CNTN5: variants seen among roughly 807,000 people sequenced by gnomAD.
The protein encoded by CNTN5 is contactin-5.
A neutral mutation model predicts 129.1 loss-of-function variants in CNTN5; 77 were observed. The ratio of observed to expected loss-of-function variants is 0.60; its 90% CI spans 0.50 to 0.72. The LOEUF is 0.72. Among genes scored for constraint, CNTN5 ranks in the 30% least tolerant of loss-of-function variants. The pLI is 0.00. For missense variants in CNTN5, 1,478 were observed against 1,328.8 expected, an observed-to-expected ratio of 1.11 and a Z score of -1.75; for synonymous variants, 509 against 465.6, an observed-to-expected ratio of 1.09 and a Z score of -1.20.
intron 3 of CNTN5, among the ~76,000 whole-genome samples, chr11:99,715,714 G>A (rs1184190522): frequency 6.6e-6 from 1 of 151,884 alleles, no homozygotes; most frequent in East Asian, 1.9e-4. Context: ...AAAAGCATTT[G>A]ATAGATTTTA....
At chr11:99,082,715 C>A (rs1350994702) in intron 1 of CNTN5, among the ~76,000 whole-genome samples, 2 of 152,094 alleles carry the variant, frequency 1.3e-5, no homozygotes, top group African/African-American at 2.4e-5. Context: ...TATATGTGAA[C>A]TATACTTTAC....
At chr11:99,827,308 C>T (rs570842672) in intron 4 of CNTN5, among the ~76,000 whole-genome samples, 55 of 152,228 alleles carry the variant, frequency 3.6e-4, no homozygotes, top group Admixed American at 1.2e-3. Flanking sequence ...AGGCTGGTCT[C>T]GAGCTCCTGA....
chr11:100,146,279 G>T (rs1339943884), intron 13 of CNTN5, among the ~76,000 whole-genome samples: 1 of 152,128 alleles, frequency 6.6e-6, no homozygotes, highest in African/African-American at 2.4e-5. Flanking sequence ...TGTAGGCAGT[G>T]ATTATGTCTA....
intron 2 of CNTN5, among the ~76,000 whole-genome samples, chr11:99,352,450 A>C (rs192306557): frequency 6.6e-6 from 1 of 152,296 alleles, no homozygotes; most frequent in East Asian, 1.9e-4. Flanking sequence ...ACATAATAGC[A>C]AACATAACTT....
At chr11:99,197,243 A>C (rs1858948846) in intron 1 of CNTN5, among the ~76,000 whole-genome samples, 1 of 152,012 alleles carries the variant, frequency 6.6e-6, no homozygotes, top group South Asian at 2.1e-4. Context: ...AATTAAAATT[A>C]TAAATTTTAT....
chr11:100,284,568 G>C (rs1950723981), intron 18 of CNTN5, among the ~76,000 whole-genome samples: 1 of 152,118 alleles, frequency 6.6e-6, no homozygotes. Context: ...CACACTGTGG[G>C]TGAAATGGAA....
At chr11:99,456,556 A>T (rs541803206) in intron 2 of CNTN5, among the ~76,000 whole-genome samples, 1 of 152,258 alleles carries the variant, frequency 6.6e-6, no homozygotes, top group African/African-American at 2.4e-5. Flanking sequence ...AGGAGATCTA[A>T]AATGACAGCT....
At chr11:99,895,885 C>G (rs765645673) in intron 6 of CNTN5, among the ~76,000 whole-genome samples, 24 of 152,020 alleles carry the variant, frequency 1.6e-4, no homozygotes, top group Non-Finnish European at 2.8e-4. Flanking sequence ...TTTCCGTGTC[C>G]CTAGAATAGA....
chr11:99,607,267 C>T (rs1293996796), intron 3 of CNTN5, among the ~76,000 whole-genome samples: 2 of 68,074 alleles, frequency 2.9e-5, no homozygotes, highest in African/African-American at 5.8e-5. Flanking sequence ...AAACAAACAA[C>T]CCCATCAAAA....
At chr11:99,666,835 G>A (rs1355001857) in intron 3 of CNTN5, among the ~76,000 whole-genome samples, 5 of 152,112 alleles carry the variant, frequency 3.3e-5, no homozygotes, top group Non-Finnish European at 7.4e-5. Flanking sequence ...AATTCTGAAT[G>A]TGATTAACAT....
intron 1 of CNTN5, among the ~76,000 whole-genome samples, chr11:99,275,640 C>T (rs754392601): frequency 4.0e-5 from 6 of 151,576 alleles, no homozygotes; most frequent in African/African-American, 1.2e-4. Context: ...TATATTTGCT[C>T]GTCTTGGCAG....
In CNTN5 at chr11:99,816,975, T is replaced by C. The variant is rs73557508; in HGVS notation, c.56-2569T>C. Among the ~76,000 whole-genome samples, 969 of 152,338 alleles carry C rather than the reference T, an allele frequency of 6.4e-3. 11 individuals are homozygous for C. Among genetic ancestry groups the C allele is most frequent in the African/African-American group, 0.022 (911 of 41,574 alleles). On this transcript the variant is annotated intron_variant, in intron 3 of 24. Coordinates refer to ENST00000524871, the MANE Select transcript of CNTN5 (RefSeq NM_014361.4). ...ACTAATGAACTTTCAGGACTCAGTT[T>C]AGATAGAATATCCACTGGAAAGCAT...
intron 1 of CNTN5, among the ~76,000 whole-genome samples, chr11:99,191,140 A>G (rs1266135186): frequency 6.6e-6 from 1 of 151,732 alleles, no homozygotes; most frequent in Admixed American, 6.6e-5. Flanking sequence ...TGTGTACCAT[A>G]TTTATAGATT....
chr11:99,426,586 T>C (rs988351271), intron 2 of CNTN5, among the ~76,000 whole-genome samples: 1 of 152,336 alleles, frequency 6.6e-6, no homozygotes, highest in South Asian at 2.1e-4. Context: ...TTCGTTAATC[T>C]GACACACTGG....
At chr11:99,710,711 A>G (rs117606413) in intron 3 of CNTN5, among the ~76,000 whole-genome samples, 4,545 of 151,798 alleles carry the variant, frequency 0.03, 148 homozygotes, top group East Asian at 0.19. Context: ...TACACAGTTC[A>G]ATATTAAAGG....
intron 1 of CNTN5, among the ~76,000 whole-genome samples, chr11:99,096,479 T>C (rs1326694876): frequency 6.6e-6 from 1 of 151,820 alleles, no homozygotes; most frequent in Non-Finnish European, 1.5e-5. Flanking sequence ...ACATGCAGAA[T>C]ATAATATTGC....
chr11:99,574,435 C>A (rs1245637713), intron 3 of CNTN5, among the ~76,000 whole-genome samples: 1 of 152,150 alleles, frequency 6.6e-6, no homozygotes, highest in African/African-American at 2.4e-5. Flanking sequence ...TAATGGATTG[C>A]TGGGTCAAAT....
intron 13 of CNTN5, among the ~76,000 whole-genome samples, chr11:100,166,558 A>G (rs1555027219): frequency 6.6e-6 from 1 of 151,766 alleles, no homozygotes; most frequent in Non-Finnish European, 1.5e-5. Context: ...TAATCATGCC[A>G]AGAACACTTT....
At chr11:99,767,748 C>A (rs11221286) in intron 3 of CNTN5, among the ~76,000 whole-genome samples, 24,563 of 151,774 alleles carry the variant, frequency 0.16, 2,048 homozygotes, top group African/African-American at 0.17. Flanking sequence ...CTTTATCTTG[C>A]TGAGAAAGGC....
Sources: gnomAD v4.1 joint callset for allele counts (sites outside exome capture counted in the v4.1 genomes callset) on GRCh38, gnomAD v4.1.1 for gene constraint, MANE v1.5 for transcripts, NCBI Gene and HGNC (gene_info 2026-07-23, HGNC 2026-07-21) for gene names.